CFAP20DC: variants seen among roughly 807,000 people sequenced by gnomAD.
CFAP20DC encodes the protein CFAP20 domain containing, also known as protein CFAP20DC.
In CFAP20DC, 84 loss-of-function variants were observed where a neutral mutation model predicts 101.7. The ratio of observed to expected loss-of-function variants is 0.83; its 90% CI spans 0.69 to 0.99. The LOEUF (loss-of-function observed/expected upper bound fraction) is 0.99. Ranked by LOEUF, CFAP20DC falls within the 50% of genes least tolerant of loss-of-function variation. The pLI is 0.00. For missense variants in CFAP20DC, 1,007 were observed against 970.3 expected, an observed-to-expected ratio of 1.04 and a Z score of -0.50; for synonymous variants, 359 against 351.2, an observed-to-expected ratio of 1.02 and a Z score of -0.25.
At chr3:58,854,362 C>T (rs1214460764) in intron 12 of CFAP20DC, among the ~76,000 whole-genome samples, 8 of 151,098 alleles carry the variant, frequency 5.3e-5, no homozygotes, top group African/African-American at 1.7e-4. Flanking sequence ...AAGAACATTC[C>T]ATGCTCATGG....
chr3:59,001,437 A>G lies in CFAP20DC; in HGVS notation c.278+38120T>C, dbSNP rs966551759. The stretch of plus-strand genomic sequence containing the variant: ...CTCTCTCTCCTCTCTTAAGTTTCAC[A>G]CTTATTGTCCAGGCTGGAGTGCAAT... On this transcript the variant is annotated intron_variant, in intron 4 of 16. Transcript: ENST00000482387. The surrounding 1 kb of genome is among the most constrained non-coding windows in gnomAD (Gnocchi z 4.5). 2.0e-5 allele frequency among the ~76,000 whole-genome samples: 3 copies of G among 151,828 alleles called. No individual in the cohort carries two copies. Among genetic ancestry groups the G allele is most frequent in the Admixed American group, 2.0e-4 (3 of 15,234 alleles).
chr3:58,823,654 A>G (rs2075844819), intron 14 of CFAP20DC, among the ~76,000 whole-genome samples: 1 of 152,132 alleles, frequency 6.6e-6, no homozygotes, highest in Non-Finnish European at 1.5e-5. Flanking sequence ...CTGAGTCCAC[A>G]GCTTACCCTC....
intron 13 of CFAP20DC, among the ~76,000 whole-genome samples, chr3:58,832,593 A>ATTT (rs1299796191): frequency 6.6e-6 from 1 of 152,206 alleles, no homozygotes; most frequent in African/African-American, 2.4e-5. Flanking sequence ...GTATTGGTAA[A>ATTT]AGCCATCAAG....
Position 58,753,833 on chromosome 3 carries a change from G to A in CFAP20DC, c.2268C>T (p.Ile756=), listed in dbSNP as rs144131836. 522 of 1,612,374 alleles carry A rather than the reference G, an allele frequency of 3.2e-4. 1 individual carries two copies. Among genetic ancestry groups the A allele is most frequent in the Admixed American group, 1.5e-4 (9 of 59,894 alleles). The part of the protein sequence containing the change: ...RDWLNMLSPP[I]VPPSQQPAEQ... ...CAGCCGGCTGTTGACTGGGAGGAAC[G>A]ATTGGTGGGCTCAACATATTTAACC... Residue 756 remains isoleucine, a synonymous_variant, in exon 16 of 17, where the codon ATC becomes ATT. Coordinates refer to ENST00000482387, the MANE Select transcript of CFAP20DC (RefSeq NM_001394063.1).
At chr3:58,961,365 C>G (rs1359068556) in intron 4 of CFAP20DC, among the ~76,000 whole-genome samples, 2 of 152,078 alleles carry the variant, frequency 1.3e-5, no homozygotes, top group East Asian at 1.9e-4. Flanking sequence ...ACAAGCCTGG[C>G]CAACATGGTG....
At chr3:58,817,903 A>G (rs2075319341) in intron 14 of CFAP20DC, among the ~76,000 whole-genome samples, 1 of 150,870 alleles carries the variant, frequency 6.6e-6, no homozygotes, top group African/African-American at 2.4e-5. Flanking sequence ...AGGTCGGGTT[A>G]CCCTCAAAGG....
At chr3:58,762,494 T>C (rs2069737533) in intron 15 of CFAP20DC, among the ~76,000 whole-genome samples, 1 of 152,162 alleles carries the variant, frequency 6.6e-6, no homozygotes, top group South Asian at 2.1e-4. Context: ...TTTATCCAAT[T>C]TGCCAGTCTG....
At chr3:58,756,388 T>C (rs1391606160) in intron 15 of CFAP20DC, among the ~76,000 whole-genome samples, 2 of 152,158 alleles carry the variant, frequency 1.3e-5, no homozygotes, top group African/African-American at 4.8e-5. Flanking sequence ...TACAGATATT[T>C]TTCTTCTCTG....
intron 4 of CFAP20DC, among the ~76,000 whole-genome samples, chr3:59,030,181 G>A (rs2093963551): frequency 6.6e-6 from 1 of 152,210 alleles, no homozygotes; most frequent in Non-Finnish European, 1.5e-5. Context: ...TTCCAAGCTT[G>A]TTAGAGAAAT....
chr3:58,937,420 C>A (rs2087860414), intron 5 of CFAP20DC, among the ~76,000 whole-genome samples: 1 of 152,176 alleles, frequency 6.6e-6, no homozygotes, highest in South Asian at 2.1e-4. Flanking sequence ...TTTCTCTCTC[C>A]ACTGTGCTTT....
At position 58,869,586 on chromosome 3, in the gene CFAP20DC, A is replaced by C; in HGVS notation, c.853-96T>G. 1 of 968,704 alleles carries C rather than the reference A, an allele frequency of 1.0e-6. No individual in the cohort carries two copies. The highest frequency in any genetic ancestry group is 1.4e-6 in the Non-Finnish European group (1 of 690,774). The allele number at this position is 968,704 out of a possible 1,614,324, so 60.0% of individuals were successfully genotyped here. A position where few individuals can be genotyped will look rare whatever the true frequency, so the allele number is the denominator to read the frequency against. ...AAACATAATATTTGGACCAATGAAG[A>C]GTGAGAAAAAAACTAGAGGAAATGA... On this transcript the variant is annotated intron_variant, in intron 8 of 16. Transcript: ENST00000482387. This position sits in a 1 kb window ranked among gnomAD's most constrained non-coding sequence, Gnocchi z 4.3.
In CFAP20DC at chr3:58,882,522, G is replaced by A. The variant is rs1441998413; in HGVS notation, c.715+2023C>T. Among the ~76,000 whole-genome samples, 2 of 152,138 alleles carry A rather than the reference G, an allele frequency of 1.3e-5. No homozygotes were observed. The highest frequency in any genetic ancestry group is 2.9e-5 in the Non-Finnish European group (2 of 68,012). ...TATAGTTTAGCATTCGTTATTGAAAGTTATCATAGCATATTAGATACAGAT... is the reference window on the plus strand; with the variant it reads ...TATAGTTTAGCATTCGTTATTGAAAATTATCATAGCATATTAGATACAGAT... On this transcript the variant is annotated intron_variant, in intron 7 of 16. Transcript: ENST00000482387. This position sits in a 1 kb window ranked among gnomAD's most constrained non-coding sequence, Gnocchi z 4.2.
chr3:58,753,469 C>T (rs9878406), intron 16 of CFAP20DC, among the ~76,000 whole-genome samples: 17,746 of 152,148 alleles, frequency 0.12, 1,848 homozygotes, highest in East Asian at 0.35. Context: ...ACAGTGGGAA[C>T]TGGTAGTGCT....
intron 16 of CFAP20DC, among the ~76,000 whole-genome samples, chr3:58,752,631 C>G (rs1314315342): frequency 6.6e-6 from 1 of 152,138 alleles, no homozygotes; most frequent in Non-Finnish European, 1.5e-5. Flanking sequence ...AGCCAAGATT[C>G]TATTTTTCTG....
intron 3 of CFAP20DC, among the ~76,000 whole-genome samples, chr3:58,736,690 T>C (rs79942801): frequency 6.8e-4 from 104 of 152,322 alleles, no homozygotes; most frequent in African/African-American, 2.3e-3. Context: ...ACCGTACTTA[T>C]TACCATTAGG....
intron 14 of CFAP20DC, among the ~76,000 whole-genome samples, chr3:58,827,234 T>C (rs1338597423): frequency 3.9e-5 from 6 of 151,992 alleles, no homozygotes; most frequent in Admixed American, 6.6e-5. Context: ...TATAAGTCTT[T>C]AATAAAAAAT....
intron 4 of CFAP20DC, among the ~76,000 whole-genome samples, chr3:58,995,325 T>A (rs751604429): frequency 5.3e-5 from 8 of 151,810 alleles, no homozygotes; most frequent in Non-Finnish European, 8.8e-5. Context: ...GGCACATGTC[T>A]TTACATTTTC....
chr3:58,808,119 A>T (rs911412228), intron 14 of CFAP20DC, among the ~76,000 whole-genome samples: 1 of 152,244 alleles, frequency 6.6e-6, no homozygotes, highest in Non-Finnish European at 1.5e-5. Context: ...GGGAGAATGG[A>T]ACCAAGTTGG....
intron 3 of CFAP20DC, among the ~76,000 whole-genome samples, chr3:59,041,303 T>A (rs1374011988): frequency 1.3e-5 from 2 of 152,126 alleles, no homozygotes; most frequent in East Asian, 3.8e-4. Context: ...ATAAAAGAGT[T>A]CTTACCCTCA....
Sources: allele counts gnomAD v4.1 joint callset (sites outside exome capture counted in the v4.1 genomes callset), GRCh38; gene constraint gnomAD v4.1.1; non-coding constraint Gnocchi (gnomAD v3.1); transcripts MANE v1.5; gene names NCBI Gene and HGNC (gene_info 2026-07-23, HGNC 2026-07-21).